CCSER1: variants seen among roughly 807,000 people sequenced by gnomAD.
CCSER1 encodes serine-rich coiled-coil domain-containing protein 1.
CCSER1 carries 41 observed loss-of-function variants against 82.0 expected under a neutral mutation model. The observed-to-expected ratio is 0.50, with a 90% CI of 0.39 to 0.65. CCSER1 has a LOEUF of 0.65. Ranked by LOEUF, CCSER1 falls within the 30% of genes least tolerant of loss-of-function variation. The probability of loss-of-function intolerance (pLI) is 0.00; values close to 1 mark genes in which losing one functional copy is unlikely to be tolerated. For synonymous variants in CCSER1, 414 were observed against 383.9 expected, an observed-to-expected ratio of 1.08 and a Z score of -0.92; for missense variants, 1,119 against 1,064.2, an observed-to-expected ratio of 1.05 and a Z score of -0.72.
intron 8 of CCSER1, among the ~76,000 whole-genome samples, chr4:90,904,782 G>T (rs946940250): frequency 4.6e-5 from 7 of 152,040 alleles, no homozygotes; most frequent in African/African-American, 1.7e-4. Flanking sequence ...GCTTTCATCA[G>T]CTAAACCCTG....
At chr4:90,635,427 A>G (rs1471694448) in intron 6 of CCSER1, among the ~76,000 whole-genome samples, 1 of 151,662 alleles carries the variant, frequency 6.6e-6, no homozygotes, top group African/African-American at 2.4e-5. Context: ...AAAGCATCAA[A>G]TATTTGGAAA....
At chr4:90,385,572 G>A (rs1186827604) in intron 3 of CCSER1, among the ~76,000 whole-genome samples, 1 of 150,148 alleles carries the variant, frequency 6.7e-6, no homozygotes, top group Non-Finnish European at 1.5e-5. Context: ...CCATTCTCCT[G>A]CCTCAGCCTC....
chr4:90,347,037 G>A (rs1044655541), intron 3 of CCSER1, among the ~76,000 whole-genome samples: 2 of 151,960 alleles, frequency 1.3e-5, no homozygotes, highest in South Asian at 4.1e-4. Flanking sequence ...TGATCTTTCC[G>A]AAGGCTCTTT....
chr4:90,791,223 T>C (rs1440194549), intron 7 of CCSER1, among the ~76,000 whole-genome samples: 2 of 152,182 alleles, frequency 1.3e-5, no homozygotes, highest in African/African-American at 4.8e-5. Context: ...TACCTCCCAC[T>C]GGGTCTTTCC....
At chr4:90,181,956 C>T (rs1373225273) in intron 1 of CCSER1, among the ~76,000 whole-genome samples, 1 of 151,984 alleles carries the variant, frequency 6.6e-6, no homozygotes, top group Non-Finnish European at 1.5e-5. Context: ...TGGTTTGGGT[C>T]ATAGGATTTG....
intron 3 of CCSER1, chr4:90,370,574 A>T (rs576813742): frequency 6.6e-6 from 1 of 151,962 alleles, no homozygotes; most frequent in Admixed American, 6.6e-5. Context: ...CTTGTTTTGT[A>T]TGTCTTCTTT....
intron 9 of CCSER1, among the ~76,000 whole-genome samples, chr4:90,993,181 T>A (rs1228444082): frequency 1.3e-5 from 2 of 152,110 alleles, no homozygotes. Context: ...GATATTTTGA[T>A]GTAAATGTAG....
chr4:90,910,392 T>C (rs1209270317), intron 8 of CCSER1, among the ~76,000 whole-genome samples: 1 of 152,236 alleles, frequency 6.6e-6, no homozygotes, highest in Non-Finnish European at 1.5e-5. Context: ...GTATTCCTAA[T>C]GATTTCAATC....
At chr4:90,879,269 A>G (rs1019046765) in intron 8 of CCSER1, among the ~76,000 whole-genome samples, 3 of 152,028 alleles carry the variant, frequency 2.0e-5, no homozygotes, top group African/African-American at 4.8e-5. Flanking sequence ...CAGACCTATT[A>G]GGTTCCTTTT....
At chr4:91,551,406 A>G (rs1375324246) in intron 10 of CCSER1, among the ~76,000 whole-genome samples, 1 of 152,024 alleles carries the variant, frequency 6.6e-6, no homozygotes, top group Non-Finnish European at 1.5e-5. Flanking sequence ...AGCATATTAA[A>G]CCCAACACCT....
intron 1 of CCSER1, among the ~76,000 whole-genome samples, chr4:90,273,654 C>T (rs557202526): frequency 8.5e-5 from 13 of 152,222 alleles, no homozygotes; most frequent in African/African-American, 3.1e-4. Flanking sequence ...CAGTATGTCT[C>T]GAACATATAA....
chr4:91,550,670 C>T (rs913117527), intron 10 of CCSER1, among the ~76,000 whole-genome samples: 2 of 152,100 alleles, frequency 1.3e-5, no homozygotes, highest in African/African-American at 4.8e-5. Context: ...CTATACTATA[C>T]TATATCATAC....
intron 3 of CCSER1, among the ~76,000 whole-genome samples, chr4:90,391,479 TATATATACAC>T (rs1459590289): frequency 3.2e-4 from 28 of 88,020 alleles, no homozygotes; most frequent in African/African-American, 1.4e-3. Flanking sequence ...TATATATATA[TATATATACAC>T]ACACACAGTG....
At chr4:90,139,487 C>T (rs999531891) in intron 1 of CCSER1, among the ~76,000 whole-genome samples, 1 of 152,070 alleles carries the variant, frequency 6.6e-6, no homozygotes, top group Non-Finnish European at 1.5e-5. Flanking sequence ...GTCATATGTT[C>T]CTGTTTCCTG....
intron 10 of CCSER1, among the ~76,000 whole-genome samples, chr4:91,388,456 A>G (rs917003826): frequency 6.6e-6 from 1 of 152,072 alleles, no homozygotes; most frequent in Non-Finnish European, 1.5e-5. Context: ...GGGAAACTAT[A>G]TGTTTACTTT....
At chr4:90,827,307 G>T (rs1047811092) in intron 8 of CCSER1, among the ~76,000 whole-genome samples, 2 of 152,164 alleles carry the variant, frequency 1.3e-5, no homozygotes, top group African/African-American at 4.8e-5. Context: ...TAAAGTTAGA[G>T]TTTCTTCAGA....
At chr4:91,459,483 T>C (rs988622585) in intron 10 of CCSER1, among the ~76,000 whole-genome samples, 1 of 152,148 alleles carries the variant, frequency 6.6e-6, no homozygotes, top group South Asian at 2.1e-4. Context: ...ATGTGAAGAC[T>C]GCCAAGTAAC....
intron 5 of CCSER1, among the ~76,000 whole-genome samples, chr4:90,532,539 G>A (rs1416487472): frequency 6.6e-6 from 1 of 151,942 alleles, no homozygotes; most frequent in Non-Finnish European, 1.5e-5. Context: ...TTTGGTAAAG[G>A]GACAAATAGT....
chr4:90,666,559 G>A (rs1731820060), intron 6 of CCSER1, among the ~76,000 whole-genome samples: 1 of 152,212 alleles, frequency 6.6e-6, no homozygotes, highest in African/African-American at 2.4e-5. Context: ...AGTAGAGGAT[G>A]ATACCAGCAT....
Sources: gnomAD v4.1 joint callset for allele counts (sites outside exome capture counted in the v4.1 genomes callset) on GRCh38, gnomAD v4.1.1 for gene constraint, MANE v1.5 for transcripts, NCBI Gene and HGNC (gene_info 2026-07-23, HGNC 2026-07-21) for gene names.